Variants in CDH8 observed in about 807,000 individuals in gnomAD.
The protein encoded by CDH8 is cadherin 8.
Under a neutral mutation model 68.1 loss-of-function variants are expected in CDH8, and 17 were observed. The ratio of observed to expected loss-of-function variants is 0.25; its 90% confidence interval spans 0.17 to 0.37. The LOEUF (loss-of-function observed/expected upper bound fraction) is 0.37, where lower values mean the gene tolerates loss of function less well. Among genes scored for constraint, CDH8 ranks in the 10% least tolerant of loss-of-function variants. CDH8 has a pLI of 1.00. For missense variants in CDH8, 763 were observed against 999.3 expected (o/e 0.76, Z 3.19); for synonymous variants, 372 against 365.1 (o/e 1.02, Z -0.21).
At position 61,666,178 on chromosome 16, in the gene CDH8, C is replaced by CTGTGTGTGTGTG. The variant is rs370163800; in HGVS notation, c.1655-10469_1655-10458dup. On this transcript the variant is annotated intron_variant, in intron 10 of 11. Transcript: ENST00000577390. The stretch of plus-strand genomic sequence containing the variant: ...AGGTTGAAAAAACACAGCACATACT[C>CTGTGTGTGTGTG]TGTGTGTGTGTGTGTGTGTGTGTGT... Among the ~76,000 whole-genome samples the CTGTGTGTGTGTG allele has an allele frequency of 2.9e-3, 419 of 144,184 alleles. 4 individuals are homozygous for CTGTGTGTGTGTG. Among genetic ancestry groups the CTGTGTGTGTGTG allele is most frequent in the Middle Eastern group, 0.014 (4 of 282 alleles). 94.6% of individuals were successfully genotyped at this position (144,184 alleles called of 152,430 possible). A position where few individuals can be genotyped will look rare whatever the true frequency, so the allele number is the denominator to read the frequency against.
intron 2 of CDH8, among the ~76,000 whole-genome samples, chr16:61,971,061 C>T (rs889328386): frequency 7.9e-5 from 12 of 152,080 alleles, no homozygotes; most frequent in Non-Finnish European, 1.8e-4. Context: ...GTAATTCTCC[C>T]CACCCTTGAG....
intron 6 of CDH8, among the ~76,000 whole-genome samples, chr16:61,820,420 G>A (rs72798739): frequency 4.7e-4 from 69 of 146,960 alleles, no homozygotes; most frequent in Non-Finnish European, 8.3e-4. Flanking sequence ...GGAAGCAAGA[G>A]TTCAAACATG....
At chr16:61,977,063 A>C (rs1452244050) in intron 2 of CDH8, among the ~76,000 whole-genome samples, 2 of 152,188 alleles carry the variant, frequency 1.3e-5, no homozygotes, top group African/African-American at 4.8e-5. Context: ...CAATCACGGA[A>C]TATAGGCACC....
chr16:61,895,428 G>A (rs571212918), intron 3 of CDH8, among the ~76,000 whole-genome samples: 11 of 151,880 alleles, frequency 7.2e-5, no homozygotes, highest in Non-Finnish European at 1.3e-4. Context: ...AACTAATATC[G>A]GTACTAACAT....
intron 7 of CDH8, among the ~76,000 whole-genome samples, chr16:61,793,942 C>T (rs967473726): frequency 6.6e-6 from 1 of 151,894 alleles, no homozygotes. Context: ...TGTATAGAAG[C>T]CCAAATGGAC....
rs746335090 is a variant in CDH8 at position 62,021,446 on chromosome 16, A to AT, written c.-44dup. On this transcript the variant is annotated 5_prime_UTR_variant, in exon 2 of 12. It removes the in-frame stop codon of an upstream open reading frame in the 5' UTR. Transcript: ENST00000577390. ...AAATCACCACGAAAATGAGACAATT[A>AT]TTTTTTTTGTCTCCGGTCTGCAGCC... The AT allele has an allele frequency of 2.5e-5, 39 of 1,562,844 alleles. No homozygotes were observed. The highest frequency in any genetic ancestry group is 1.1e-4 in the African/African-American group (8 of 73,050).
intron 2 of CDH8, among the ~76,000 whole-genome samples, chr16:61,963,366 TTTAAG>T (rs1965191749): frequency 6.6e-6 from 1 of 152,224 alleles, no homozygotes. Context: ...TACTTTTGTC[TTTAAG>T]TTGACTTTTT....
intron 4 of CDH8, among the ~76,000 whole-genome samples, chr16:61,840,847 G>A (rs1962668558): frequency 6.6e-6 from 1 of 152,054 alleles, no homozygotes; most frequent in Admixed American, 6.6e-5. Flanking sequence ...GGGTTGATAG[G>A]TGCAGCAAAC....
At chr16:61,953,948 A>G (rs930074973) in intron 2 of CDH8, among the ~76,000 whole-genome samples, 9 of 142,740 alleles carry the variant, frequency 6.3e-5, no homozygotes, top group Non-Finnish European at 1.0e-4. Flanking sequence ...ATAACATGCT[A>G]TCTACTATAT....
chr16:61,970,053 A>G (rs1470029136), intron 2 of CDH8, among the ~76,000 whole-genome samples: 1 of 152,218 alleles, frequency 6.6e-6, no homozygotes, highest in Non-Finnish European at 1.5e-5. Context: ...ATCTATTATT[A>G]GCTCTATATT....
At position 61,671,241 on chromosome 16, in the gene CDH8, ATGT is replaced by A. The variant is rs1388032208; in HGVS notation, c.1655-15523_1655-15521del. Among the ~76,000 whole-genome samples the A allele has an allele frequency of 7.2e-5, 11 of 152,184 alleles. No homozygotes were observed. The East Asian group carries it at 1.4e-3, about 19-fold the overall frequency. ...CCCTGGGTATCTGCATTTCAAACAAATGTTGTTGGCGTAAAGATCTTCTGGGAT... is the reference window on the plus strand; with the variant it reads ...CCCTGGGTATCTGCATTTCAAACAAATGTTGGCGTAAAGATCTTCTGGGAT... On this transcript the variant is annotated intron_variant, in intron 10 of 11. Coordinates refer to ENST00000577390, the MANE Select transcript of CDH8 (RefSeq NM_001796.5).
chr16:61,663,286 T>G (rs1182146509), intron 10 of CDH8, among the ~76,000 whole-genome samples: 1 of 152,078 alleles, frequency 6.6e-6, no homozygotes, highest in African/African-American at 2.4e-5. Flanking sequence ...AACAGATTGA[T>G]TATGAACAAA....
At chr16:61,912,854 C>T (rs1964182927) in intron 2 of CDH8, among the ~76,000 whole-genome samples, 2 of 152,030 alleles carry the variant, frequency 1.3e-5, no homozygotes, top group Non-Finnish European at 2.9e-5. Context: ...ATCATTACCC[C>T]ATATAGCTTG....
intron 2 of CDH8, among the ~76,000 whole-genome samples, chr16:61,926,371 A>G (rs1964457310): frequency 6.6e-6 from 1 of 152,156 alleles, no homozygotes; most frequent in African/African-American, 2.4e-5. Flanking sequence ...TTAATCTCCA[A>G]TACTTCACAT....
intron 7 of CDH8, among the ~76,000 whole-genome samples, chr16:61,799,552 A>G (rs1455588994): frequency 6.6e-6 from 1 of 152,130 alleles, no homozygotes; most frequent in African/African-American, 2.4e-5. Flanking sequence ...CCTCCGTCAT[A>G]AAGTTAGTAA....
At position 61,960,336 on chromosome 16, in the gene CDH8, C is replaced by CACATATATACATGTGTGTGTATACACAT. The variant is rs1965123550; in HGVS notation, c.253-58864_253-58863insATGTGTATACACACACATGTATATATGT. ...ACATATATACGTGTGTGTGTATACA[C>CACATATATACATGTGTGTGTATACACAT]ACATATATACATGTGTGTGTGTATA... On this transcript the variant is annotated intron_variant, in intron 2 of 11. Transcript: ENST00000577390. Among the ~76,000 whole-genome samples, 3 of 42,298 alleles carry CACATATATACATGTGTGTGTATACACAT rather than the reference C, an allele frequency of 7.1e-5. 1 individual carries two copies. The highest frequency in any genetic ancestry group is 1.4e-3 in the South Asian group (2 of 1,424). The allele number at this position is 42,298 out of a possible 152,430, so 27.7% of individuals were successfully genotyped here.
chr16:61,743,896 G>A (rs991977693), intron 8 of CDH8, among the ~76,000 whole-genome samples: 1 of 151,740 alleles, frequency 6.6e-6, no homozygotes, highest in Non-Finnish European at 1.5e-5. Flanking sequence ...GTTTTTCATG[G>A]GTTTTTTCCT....
At chr16:61,768,371 TTTCTCTCTCTCTCTCTCTCTCTCC>T (rs1960676581) in intron 8 of CDH8, among the ~76,000 whole-genome samples, 4 of 34,176 alleles carry the variant, frequency 1.2e-4, no homozygotes, top group Non-Finnish European at 1.6e-4. Context: ...TCTCTCTCCC[TTTCTCTCTCTCTCTCTCTCTCTCC>T]CTTTCTCTCT....
At chr16:61,870,304 T>C (rs925999274) in intron 3 of CDH8, among the ~76,000 whole-genome samples, 2 of 152,206 alleles carry the variant, frequency 1.3e-5, no homozygotes, top group Non-Finnish European at 2.9e-5. Flanking sequence ...TTAATATCTT[T>C]ACAGCTGTTC....
Sources: allele counts gnomAD v4.1 joint callset (sites outside exome capture counted in the v4.1 genomes callset), GRCh38; gene constraint gnomAD v4.1.1; transcripts MANE v1.5; gene names NCBI Gene and HGNC (gene_info 2026-07-23, HGNC 2026-07-21).